TLN2: variants seen among roughly 807,000 people sequenced by gnomAD.
The protein encoded by TLN2 is talin-2.
TLN2 carries 118 observed loss-of-function variants against 294.7 expected under a neutral mutation model. The ratio of observed to expected loss-of-function variants is 0.40; its 90% confidence interval spans 0.34 to 0.47. The LOEUF (loss-of-function observed/expected upper bound fraction) is 0.47, where lower values mean the gene tolerates loss of function less well. Ranked by LOEUF, TLN2 falls within the 20% of genes least tolerant of loss-of-function variation. TLN2 has a pLI of 0.84. For missense variants in TLN2, 3,083 were observed against 3,282.2 expected (o/e 0.94, Z 1.48); for synonymous variants, 1,431 against 1,304.5 (o/e 1.10, Z -2.09).
intron 1 of TLN2, among the ~76,000 whole-genome samples, chr15:62,420,946 A>G (rs1272765596): frequency 6.6e-6 from 1 of 152,228 alleles, no homozygotes; most frequent in Non-Finnish European, 1.5e-5. Context: ...GCTCCAGAGA[A>G]AGGTCTTCAG....
chr15:62,721,646 T>A (rs943983005), intron 25 of TLN2, among the ~76,000 whole-genome samples: 1 of 152,166 alleles, frequency 6.6e-6, no homozygotes, highest in Admixed American at 6.5e-5. Flanking sequence ...ATCCAGAAAT[T>A]CAACTTTTAA....
At chr15:62,820,713 T>C (rs1260100336) in intron 54 of TLN2, 103 bp downstream of exon 54, 2 of 1,457,546 alleles carry the variant, frequency 1.4e-6, no homozygotes, top group African/African-American at 1.4e-5. Context: ...GCTCCTTCCT[T>C]ATGGTCAGAC....
At chr15:62,399,032 G>A (rs1023900068) in intron 1 of TLN2, among the ~76,000 whole-genome samples, 20 of 152,124 alleles carry the variant, frequency 1.3e-4, no homozygotes, top group South Asian at 2.1e-4. Flanking sequence ...CATCCCAGCC[G>A]CTCCAGCAGT....
At chr15:62,652,261 A>C in intron 6 of TLN2, 127 bp downstream of exon 6, 1 of 1,008,856 alleles carries the variant, frequency 9.9e-7, no homozygotes, top group Non-Finnish European at 1.3e-6. Context: ...GTTCTGCCTA[A>C]TCCCCAGAGG....
At chr15:62,774,709 G>T (rs777333863) in intron 42 of TLN2, among the ~76,000 whole-genome samples, 49 of 152,198 alleles carry the variant, frequency 3.2e-4, no homozygotes, top group Non-Finnish European at 1.8e-4. Context: ...GGATGGGGAG[G>T]TAATTCATTT....
chr15:62,620,837 C>CTTTTTTTTTTTT (rs71129016), intron 3 of TLN2, among the ~76,000 whole-genome samples: 1 of 66,418 alleles, frequency 1.5e-5, no homozygotes, highest in African/African-American at 5.5e-5. Flanking sequence ...CTTTCTTTTT[C>CTTTTTTTTTTTT]TTTTTTTTTT....
intron 31 of TLN2, among the ~76,000 whole-genome samples, chr15:62,740,118 T>C (rs2061244510): frequency 6.6e-6 from 1 of 151,462 alleles, no homozygotes; most frequent in Non-Finnish European, 1.5e-5. Context: ...TCTTCTAGTA[T>C]CTACAAAGAA....
At chr15:62,787,693 C>CTTT (rs71672889) in intron 45 of TLN2, among the ~76,000 whole-genome samples, 9 of 65,580 alleles carry the variant, frequency 1.4e-4, no homozygotes, top group African/African-American at 3.2e-4. Flanking sequence ...AACTCCTTAT[C>CTTT]TTTTTTTTTT....
chr15:62,743,114 C>T (rs181158941), intron 32 of TLN2, among the ~76,000 whole-genome samples: 12 of 152,284 alleles, frequency 7.9e-5, no homozygotes, highest in Admixed American at 2.0e-4. Flanking sequence ...CCACATGCTC[C>T]GCTCATTTCA....
intron 26 of TLN2, among the ~76,000 whole-genome samples, chr15:62,724,111 GCACTC>G (rs2060304778): frequency 1.3e-5 from 2 of 152,066 alleles, no homozygotes; most frequent in Admixed American, 1.3e-4. Flanking sequence ...GCATGCCACT[GCACTC>G]CAACCTGGGC....
intron 22 of TLN2, 144 bp from the exon 23 acceptor site, chr15:62,716,187 A>G (rs1050525189): frequency 1.4e-5 from 15 of 1,067,908 alleles, no homozygotes; most frequent in Non-Finnish European, 1.7e-5. Flanking sequence ...GCATGAGGAA[A>G]CATCTTCATC....
At chr15:62,429,904 C>T (rs1034670017) in intron 1 of TLN2, among the ~76,000 whole-genome samples, 10 of 152,238 alleles carry the variant, frequency 6.6e-5, no homozygotes, top group African/African-American at 2.2e-4. Context: ...TCAGCCTGTA[C>T]GTGACTTATC....
intron 51 of TLN2, 78 bp from the exon 52 acceptor site, chr15:62,809,847 T>C: frequency 7.3e-7 from 1 of 1,376,314 alleles, no homozygotes; most frequent in Non-Finnish European, 1.0e-6. Flanking sequence ...AGGGTTAAGG[T>C]CTCTTGCCTC....
intron 37 of TLN2, among the ~76,000 whole-genome samples, chr15:62,758,856 C>T (rs1006194619): frequency 6.6e-6 from 1 of 152,208 alleles, no homozygotes; most frequent in African/African-American, 2.4e-5. Context: ...CTTGTCAAGT[C>T]ATGTCACTTT....
At chr15:62,672,328 A>T (rs748140025) in intron 9 of TLN2, among the ~76,000 whole-genome samples, 33 of 152,196 alleles carry the variant, frequency 2.2e-4, no homozygotes, top group Non-Finnish European at 1.3e-4. Flanking sequence ...ATGATTTTTT[A>T]AAAAAATCTT....
At chr15:62,764,840 G>C (rs570805043) in intron 40 of TLN2, among the ~76,000 whole-genome samples, 1 of 151,858 alleles carries the variant, frequency 6.6e-6, no homozygotes, top group Non-Finnish European at 1.5e-5. Context: ...GGTGGCGGGC[G>C]CCTGTAATCC....
intron 1 of TLN2, among the ~76,000 whole-genome samples, chr15:62,423,604 G>A (rs1010753827): frequency 6.0e-5 from 9 of 150,716 alleles, no homozygotes; most frequent in Non-Finnish European, 1.2e-4. Flanking sequence ...TTTTTGAGAC[G>A]GAGTCTTGCT....
rs146859220 is a variant in TLN2 at position 62,579,193 on chromosome 15, A to T, written c.-237-10494A>T. Among the ~76,000 whole-genome samples the T allele has an allele frequency of 1.6e-3, 245 of 152,290 alleles. 1 individual carries two copies. The highest frequency in any genetic ancestry group is 5.7e-3 in the African/African-American group (237 of 41,548). On this transcript the variant is annotated intron_variant, in intron 1 of 58. Coordinates refer to ENST00000636159, the MANE Select transcript of TLN2 (RefSeq NM_015059.3). ...TTGCATGAAAGGTGCCATAGCGAATATGCAAAAAAATCACTGGCCATGTGA... is the reference window on the plus strand; with the variant it reads ...TTGCATGAAAGGTGCCATAGCGAATTTGCAAAAAAATCACTGGCCATGTGA...
chr15:62,491,434 G>A (rs2038724106), intron 1 of TLN2, among the ~76,000 whole-genome samples: 1 of 151,428 alleles, frequency 6.6e-6, no homozygotes, highest in Non-Finnish European at 1.5e-5. Flanking sequence ...CTGGAAAGGT[G>A]GGACAACTGG....
Sources: allele counts gnomAD v4.1 joint callset (sites outside exome capture counted in the v4.1 genomes callset), GRCh38; gene constraint gnomAD v4.1.1; transcripts MANE v1.5; gene names NCBI Gene and HGNC (gene_info 2026-07-23, HGNC 2026-07-21).